REV3L: variants seen among roughly 807,000 people sequenced by gnomAD.
The protein encoded by REV3L is DNA polymerase zeta catalytic subunit.
REV3L carries 69 observed loss-of-function variants against 299.4 expected under a neutral mutation model. The observed-to-expected ratio is 0.23, with a 90% CI of 0.19 to 0.28. The LOEUF (loss-of-function observed/expected upper bound fraction) is 0.28. Among genes scored for constraint, REV3L ranks in the 10% least tolerant of loss-of-function variants. The pLI is 1.00. For synonymous variants in REV3L, 1,238 were observed against 1,271.4 expected (o/e 0.97, Z 0.56); for missense variants, 3,128 against 3,693.8 (o/e 0.85, Z 3.97).
intron 1 of REV3L, among the ~76,000 whole-genome samples, chr6:111,416,673 C>T (rs185237952): frequency 3.7e-3 from 571 of 152,322 alleles, no homozygotes; most frequent in Non-Finnish European, 5.0e-3. Context: ...TAAACACAAG[C>T]ATTGTATAAC....
chr6:111,361,575 C>T (rs973918260), intron 16 of REV3L: 1 of 151,838 alleles, frequency 6.6e-6, no homozygotes, highest in African/African-American at 2.4e-5. Context: ...TCCTTAATAA[C>T]AAAATGCATT....
Position 111,373,643 on chromosome 6 carries a change from T to G in REV3L, c.4712A>C (p.Asn1571Thr). 6.2e-7 allele frequency: 1 copy of G among 1,614,180 alleles called. No individual in the cohort carries two copies. Among genetic ancestry groups the G allele is most frequent in the Non-Finnish European group, 8.5e-7 (1 of 1,180,008 alleles). ...GGACGTTACCGATCGTGTCCGTTTATTTGCTTTGTTATGCTCAAGGGAACC... is the reference window on the plus strand; with the variant it reads ...GGACGTTACCGATCGTGTCCGTTTAGTTGCTTTGTTATGCTCAAGGGAACC... ...ISGSLEHNKA[N>T]KRTRSVTSPR... The change falls in exon 13 of 32, where the codon AAT (asparagine) becomes ACT (threonine). Residue 1571 changes from asparagine to threonine, a missense_variant. This residue lies in a region of REV3L where 2,409 missense variants were observed against 2,611.8 expected (regional missense o/e 0.92). Coordinates refer to ENST00000368802, the MANE Select transcript of REV3L (RefSeq NM_001372078.1).
At chr6:111,300,930 A>G (rs531267382) in intron 31 of REV3L, among the ~76,000 whole-genome samples, 1 of 152,362 alleles carries the variant, frequency 6.6e-6, no homozygotes, top group Non-Finnish European at 1.5e-5. Context: ...AATAAGGGAG[A>G]TAACCATAAA....
intron 30 of REV3L, chr6:111,309,516 G>T (rs758606455): frequency 1.7e-4 from 29 of 172,866 alleles, no homozygotes; most frequent in South Asian, 7.2e-4. Flanking sequence ...TCCTCACAAT[G>T]TCCAGCCGCT....
chr6:111,318,668 T>C (rs1052949916), intron 26 of REV3L, among the ~76,000 whole-genome samples: 4 of 152,010 alleles, frequency 2.6e-5, no homozygotes, highest in African/African-American at 9.7e-5. Context: ...GCCTCCCAAG[T>C]CAAGCGATTC....
chr6:111,399,485 C>T (rs561791528), intron 4 of REV3L, among the ~76,000 whole-genome samples: 3 of 152,290 alleles, frequency 2.0e-5, no homozygotes, highest in South Asian at 2.1e-4. Context: ...CACTAATGTC[C>T]TCTTTCTGTT....
In REV3L at chr6:111,405,604, G is replaced by A; in HGVS notation, c.431C>T (p.Ala144Val). The A allele has an allele frequency of 6.3e-7, 1 of 1,598,968 alleles. No homozygotes were observed. The highest frequency in any genetic ancestry group is 1.2e-5 in the South Asian group (1 of 86,418). ...KRICELLQSG[A>V]IMNKFYQPHE... ...AGGCTGGTAAAATTTATTCATTATG[G>A]CTCCGCTTTGCAAAAGTTCACATAT... Residue 144 changes from alanine to valine, a missense_variant, in exon 4 of 32, where the codon GCC becomes GTC. By Grantham distance (64) the Ala-to-Val change is moderately conservative. Transcript: ENST00000368802.
chr6:111,466,339 G>C lies in REV3L; in HGVS notation c.139+16411C>G, dbSNP rs80064304. ...ATTACAGATGCAAGGCAAAAATGAA[G>C]GACAAATGTTTATTTGGGAAGCAAA... On this transcript the variant is annotated intron_variant, in intron 1 of 31. Transcript: ENST00000368802. 3.9e-3 allele frequency among the ~76,000 whole-genome samples: 590 copies of C among 152,160 alleles called. 1 individual carries two copies. The highest frequency in any genetic ancestry group is 0.013 in the African/African-American group (557 of 41,518).
chr6:111,451,118 G>T (rs1231761863), intron 1 of REV3L, among the ~76,000 whole-genome samples: 1 of 152,210 alleles, frequency 6.6e-6, no homozygotes, highest in African/African-American at 2.4e-5. Context: ...CTAAGTGTAA[G>T]AAGCCAAATT....
chr6:111,368,128 A>G (rs1779412515), intron 13 of REV3L, 100 bp from the exon 14 acceptor site: 1 of 1,006,344 alleles, frequency 9.9e-7, no homozygotes, highest in South Asian at 1.7e-5. Flanking sequence ...GAGTCTCAAA[A>G]ATGTCCATGT....
intron 1 of REV3L, among the ~76,000 whole-genome samples, chr6:111,455,354 C>T (rs1398802421): frequency 6.6e-6 from 1 of 152,098 alleles, no homozygotes; most frequent in African/African-American, 2.4e-5. Context: ...ATTAAGCTAA[C>T]AGCATATGCA....
chr6:111,305,987 C>T (rs1402205800), intron 31 of REV3L, among the ~76,000 whole-genome samples: 1 of 152,212 alleles, frequency 6.6e-6, no homozygotes, highest in Non-Finnish European at 1.5e-5. Context: ...CTTCTTTAAT[C>T]ATGCATTAAC....
At chr6:111,463,496 T>C (rs1165662570) in intron 1 of REV3L, among the ~76,000 whole-genome samples, 3 of 152,206 alleles carry the variant, frequency 2.0e-5, no homozygotes, top group Non-Finnish European at 4.4e-5. Context: ...GTAAATATGG[T>C]GCACTACTGA....
intron 21 of REV3L, among the ~76,000 whole-genome samples, chr6:111,340,281 A>G (rs1170755699): frequency 1.3e-5 from 2 of 152,204 alleles, no homozygotes; most frequent in Non-Finnish European, 2.9e-5. Context: ...ATAGTATTTA[A>G]TAACTATTCC....
chr6:111,387,965 A>AT (rs1781511330), intron 8 of REV3L, 36 bp downstream of exon 8: 2 of 1,605,256 alleles, frequency 1.2e-6, no homozygotes, highest in Non-Finnish European at 1.7e-6. Flanking sequence ...AAAGGAATAA[A>AT]ATTAGTTCTG....
At chr6:111,340,810 C>A (rs1204606906) in intron 21 of REV3L, among the ~76,000 whole-genome samples, 1 of 151,768 alleles carries the variant, frequency 6.6e-6, no homozygotes, top group Non-Finnish European at 1.5e-5. Flanking sequence ...ATAACATAAT[C>A]CATTTGACAT....
chr6:111,329,694 A>T lies in REV3L; in HGVS notation c.8079T>A (p.Ile2693=). The change falls in exon 25 of 32, where the codon ATT becomes ATA. Residue 2693 remains isoleucine (I), a synonymous_variant. Transcript: ENST00000368802. ...GCTTCACCATAAATCTAGTCTTCAA[A>T]ATTTCTTCAAGCATTCTTGGTAGTA... The part of the protein sequence containing the change: ...KGVLPRMLEE[I]LKTRFMVKQS... 4 of 1,613,910 alleles carry T rather than the reference A, an allele frequency of 2.5e-6. No individual in the cohort carries two copies. Among genetic ancestry groups the T allele is most frequent in the Non-Finnish European group, 3.4e-6 (4 of 1,180,032 alleles).
chr6:111,307,266 C>A, intron 31 of REV3L, 95 bp downstream of exon 31: 4 of 1,057,730 alleles, frequency 3.8e-6, no homozygotes, highest in Admixed American at 3.7e-5. Flanking sequence ...ACTTTTCACA[C>A]CAGTTTTGTA....
At chr6:111,365,897 T>A (rs554511664) in intron 14 of REV3L, among the ~76,000 whole-genome samples, 1 of 152,180 alleles carries the variant, frequency 6.6e-6, no homozygotes, top group African/African-American at 2.4e-5. Flanking sequence ...TAAGAGTAGA[T>A]AAAATGGCTG....
Sources: gnomAD v4.1 joint callset for allele counts (sites outside exome capture counted in the v4.1 genomes callset) on GRCh38, gnomAD v4.1.1 for gene constraint, gnomAD v4.1.1 regional missense constraint, MANE v1.5 for transcripts, NCBI Gene and HGNC (gene_info 2026-07-23, HGNC 2026-07-21) for gene names.